Variants in FTO observed in about 807,000 individuals in gnomAD.
FTO encodes the protein alpha-ketoglutarate-dependent dioxygenase FTO.
In FTO, 47 loss-of-function variants were observed where a neutral mutation model predicts 63.9. The observed-to-expected ratio is 0.74, with a 90% CI of 0.58 to 0.94. The LOEUF is 0.94. Ranked by LOEUF, FTO falls within the 40% of genes least tolerant of loss-of-function variation. FTO has a pLI of 0.00. For missense variants in FTO, 562 were observed against 618.1 expected, an observed-to-expected ratio of 0.91 and a Z score of 0.96; for synonymous variants, 207 against 224.4, an observed-to-expected ratio of 0.92 and a Z score of 0.69.
chr16:53,970,788 G>A (rs576180410), intron 8 of FTO, among the ~76,000 whole-genome samples: 2 of 152,212 alleles, frequency 1.3e-5, no homozygotes, highest in South Asian at 4.1e-4. Context: ...CACTTTTTGA[G>A]TTTTCAGTGT....
Position 53,739,948 on chromosome 16 carries a change from T to C in FTO, c.45+35719T>C, listed in dbSNP as rs562504283. Among the ~76,000 whole-genome samples, 102 of 152,282 alleles carry C rather than the reference T, an allele frequency of 6.7e-4. 1 individual carries two copies. Among genetic ancestry groups the C allele is most frequent in the Middle Eastern group, 3.4e-3 (1 of 294 alleles). On this transcript the variant is annotated intron_variant, in intron 1 of 8. Transcript: ENST00000471389. ...CTCCCAAGGAGCCATCATAGATCTA[T>C]AGAGGGAACAAGAATAGAAGTACCA...
intron 8 of FTO, among the ~76,000 whole-genome samples, chr16:53,976,826 T>A (rs2083446787): frequency 6.6e-6 from 1 of 152,182 alleles, no homozygotes; most frequent in Admixed American, 6.5e-5. Flanking sequence ...ATTACAGATA[T>A]GTCTGGTAGC....
chr16:53,788,467 G>A (rs1201784337), intron 1 of FTO, among the ~76,000 whole-genome samples: 1 of 151,938 alleles, frequency 6.6e-6, no homozygotes, highest in Non-Finnish European at 1.5e-5. Flanking sequence ...GCCGGACATG[G>A]TGGTGGGCGC....
At chr16:53,970,409 G>C (rs1018848740) in intron 8 of FTO, among the ~76,000 whole-genome samples, 6 of 151,916 alleles carry the variant, frequency 3.9e-5, no homozygotes, top group African/African-American at 1.5e-4. Flanking sequence ...GGCTGACATG[G>C]AGAATCCCCA....
At chr16:53,904,143 G>T (rs2081477071) in intron 7 of FTO, among the ~76,000 whole-genome samples, 1 of 151,878 alleles carries the variant, frequency 6.6e-6, no homozygotes, top group African/African-American at 2.4e-5. Flanking sequence ...TATAATGCCA[G>T]TTTCCCAACA....
chr16:53,803,366 A>G (rs2078275213), intron 1 of FTO, among the ~76,000 whole-genome samples: 1 of 152,072 alleles, frequency 6.6e-6, no homozygotes, highest in South Asian at 2.1e-4. Flanking sequence ...ATTTTTTTGT[A>G]TGTTGTAGTG....
At chr16:53,911,523 T>C (rs1330243336) in intron 7 of FTO, 4 of 702,436 alleles carry the variant, frequency 5.7e-6, no homozygotes, top group Admixed American at 4.0e-5. Context: ...GATAGGTGAA[T>C]CTATAGATGC....
At chr16:53,908,083 C>G (rs1401492445) in intron 7 of FTO, among the ~76,000 whole-genome samples, 4 of 152,188 alleles carry the variant, frequency 2.6e-5, no homozygotes, top group Non-Finnish European at 5.9e-5. Flanking sequence ...CATCCCTTGA[C>G]AAAGAACTGA....
intron 4 of FTO, among the ~76,000 whole-genome samples, chr16:53,872,568 T>C (rs2080531226): frequency 6.6e-6 from 1 of 152,256 alleles, no homozygotes; most frequent in Non-Finnish European, 1.5e-5. Context: ...CATGGGATTA[T>C]ATCTTGCTGA....
intron 8 of FTO, chr16:54,072,310 C>A (rs2085889807): frequency 6.6e-6 from 1 of 152,166 alleles, no homozygotes; most frequent in South Asian, 2.1e-4. Context: ...GGATCATGTA[C>A]TTGGTCTTCA....
At chr16:53,768,901 G>C (rs1215466683) in intron 1 of FTO, among the ~76,000 whole-genome samples, 4 of 152,192 alleles carry the variant, frequency 2.6e-5, no homozygotes, top group African/African-American at 9.6e-5. Context: ...GTTTATTTTG[G>C]ATGTCCTTTT....
At chr16:53,898,904 G>A (rs968338380) in intron 7 of FTO, among the ~76,000 whole-genome samples, 3 of 152,098 alleles carry the variant, frequency 2.0e-5, no homozygotes, top group Admixed American at 2.0e-4. Context: ...TGAACTCCTG[G>A]CCTTAAGTCA....
At chr16:53,899,176 T>C (rs897256658) in intron 7 of FTO, among the ~76,000 whole-genome samples, 3 of 152,144 alleles carry the variant, frequency 2.0e-5, no homozygotes, top group Non-Finnish European at 2.9e-5. Flanking sequence ...CTGGCATTTA[T>C]AGCTGAGAAG....
intron 1 of FTO, among the ~76,000 whole-genome samples, chr16:53,779,104 A>G (rs1449072346): frequency 6.6e-6 from 1 of 152,072 alleles, no homozygotes; most frequent in Non-Finnish European, 1.5e-5. Flanking sequence ...TTATTTATTT[A>G]TATTTGGAAG....
intron 7 of FTO, among the ~76,000 whole-genome samples, chr16:53,910,147 G>A (rs1353620244): frequency 6.6e-6 from 1 of 152,178 alleles, no homozygotes; most frequent in Non-Finnish European, 1.5e-5. Flanking sequence ...GCACAAGAGG[G>A]ATGGCTCTGT....
chr16:53,885,230 CA>C, intron 6 of FTO, among the ~76,000 whole-genome samples: 1 of 152,266 alleles, frequency 6.6e-6, no homozygotes, highest in East Asian at 1.9e-4. Flanking sequence ...CTGAATCAAG[CA>C]GGTGGAGATT....
At chr16:54,027,045 T>C (rs1192322297) in intron 8 of FTO, among the ~76,000 whole-genome samples, 1 of 151,730 alleles carries the variant, frequency 6.6e-6, no homozygotes, top group Non-Finnish European at 1.5e-5. Flanking sequence ...CAGTGCACAA[T>C]TGATTAACAG....
At chr16:54,083,584 C>T (rs912021628) in intron 8 of FTO, among the ~76,000 whole-genome samples, 3 of 152,052 alleles carry the variant, frequency 2.0e-5, no homozygotes, top group Non-Finnish European at 2.9e-5. Context: ...GGTTAGAGAG[C>T]CCAGTGACTG....
intron 8 of FTO, among the ~76,000 whole-genome samples, chr16:54,061,152 A>G (rs764576590): frequency 3.9e-5 from 6 of 152,224 alleles, no homozygotes; most frequent in Non-Finnish European, 8.8e-5. Flanking sequence ...AGATAAGGGA[A>G]GGACACACAA....
Sources: allele counts gnomAD v4.1 joint callset (sites outside exome capture counted in the v4.1 genomes callset), GRCh38; gene constraint gnomAD v4.1.1; transcripts MANE v1.5; gene names NCBI Gene and HGNC (gene_info 2026-07-23, HGNC 2026-07-21).